WDR83: variants seen among roughly 807,000 people sequenced by gnomAD.
WDR83 encodes the protein WD repeat domain 83, also known as WD repeat domain-containing protein 83.
Under a neutral mutation model 37.7 loss-of-function variants are expected in WDR83, and 37 were observed. The observed-to-expected ratio is 0.98, with a 90% CI of 0.76 to 1.29. The LOEUF (loss-of-function observed/expected upper bound fraction) is 1.29. WDR83 is among the 50% of genes most tolerant of loss of function. The pLI is 0.00. For synonymous variants in WDR83, 174 were observed against 181.1 expected (o/e 0.96, Z 0.31); for missense variants, 445 against 414.4 (o/e 1.07, Z -0.64).
rs142857944 is a variant in WDR83 at position 12,670,808 on chromosome 19, G to A, written c.493G>A (p.Glu165Lys). 5.0e-6 allele frequency: 8 copies of A among 1,613,400 alleles called. No individual in the cohort carries two copies. Among genetic ancestry groups the A allele is most frequent in the Admixed American group, 1.7e-5 (1 of 59,886 alleles). Residue 165 changes from glutamate to lysine, a missense_variant, in exon 7 of 11, where the codon GAG becomes AAG. Coordinates refer to ENST00000418543, the MANE Select transcript of WDR83 (RefSeq NM_001099737.3). ...GTCCAGTGTGAAGGTGTCAGACCAC[G>A]AGATCCTGGCAGGGTGAGTGGAGCC... ...GVSSVKVSDH[E>K]ILAGSVDGRV...
Position 12,670,615 on chromosome 19 carries a change from A to T in WDR83, c.379+4A>T. 1 of 1,614,210 alleles carries T rather than the reference A, an allele frequency of 6.2e-7. No individual in the cohort carries two copies. The highest frequency in any genetic ancestry group is 8.5e-7 in the Non-Finnish European group (1 of 1,180,038). On this transcript the variant is annotated splice_donor_region_variant and intron_variant, in intron 6 of 10. Transcript: ENST00000418543. The stretch of plus-strand genomic sequence containing the variant: ...GAGGCCACAGTTATCCTGTCCGGTG[A>T]GTCTGGGGCCTAAGCACGGGGGCCC...
At chr19:12,673,738 T>C (rs988336049) in intron 10 of WDR83, among the ~76,000 whole-genome samples, 12 of 151,574 alleles carry the variant, frequency 7.9e-5, no homozygotes, top group Admixed American at 3.3e-4. Context: ...TTTGAGACTA[T>C]TGCCCAGGCA....
At chr19:12,669,626 AG>A (rs2024351180) in intron 2 of WDR83, 128 bp from the exon 3 acceptor site, 2 of 923,472 alleles carry the variant, frequency 2.2e-6, no homozygotes, top group Non-Finnish European at 3.2e-6. Context: ...GGGCTTCAAT[AG>A]TTCCAACCCG....
intron 10 of WDR83, 94 bp downstream of exon 10, chr19:12,673,410 CTTTTTTTTTTTTT>C (rs58676851): frequency 9.3e-5 from 23 of 248,018 alleles, no homozygotes; most frequent in African/African-American, 3.5e-4. Context: ...AGGCTAGGAT[CTTTTTTTTTTTTT>C]TTTTTTTTTT....
chr19:12,670,666 C>T (rs752759777), intron 6 of WDR83, 29 bp from the exon 7 acceptor site: 2 of 1,614,224 alleles, frequency 1.2e-6, no homozygotes, highest in Non-Finnish European at 1.7e-6. Context: ...CCCTCCAAAC[C>T]TGACCTCACC....
At chr19:12,669,305 G>T (rs930679814) in intron 2 of WDR83, 2 of 1,605,980 alleles carry the variant, frequency 1.2e-6, no homozygotes, top group Non-Finnish European at 1.7e-6. Flanking sequence ...CCAGGGCCCC[G>T]ATCCACACCC....
chr19:12,667,705 C>G (rs1040763458), intron 1 of WDR83, among the ~76,000 whole-genome samples: 1 of 152,120 alleles, frequency 6.6e-6, no homozygotes, highest in Non-Finnish European at 1.5e-5. Flanking sequence ...CATTTGTGGT[C>G]CCAGTTACGT....
intron 7 of WDR83, chr19:12,672,383 C>T (rs1030916857): frequency 7.5e-5 from 14 of 187,334 alleles, no homozygotes; most frequent in African/African-American, 2.4e-4. Flanking sequence ...CTGAGGTGGG[C>T]GGATCACCTG....
intron 6 of WDR83, 25 bp from the exon 7 acceptor site, chr19:12,670,670 C>T: frequency 6.2e-7 from 1 of 1,614,214 alleles, no homozygotes; most frequent in South Asian, 1.1e-5. Context: ...CCAAACCTGA[C>T]CTCACCATCA....
rs757395471 is a variant in WDR83 at position 12,673,053 on chromosome 19, T to G, written c.620T>G (p.Leu207Arg). The G allele has an allele frequency of 2.6e-5, 41 of 1,605,250 alleles. No homozygotes were observed. The highest frequency in any genetic ancestry group is 3.4e-5 in the Non-Finnish European group (40 of 1,174,442). ...TCFSRDGQCT[L>R]VSSLDSTLRL... ...TTCAGCCGGGATGGGCAGTGCACCC[T>G]GGTGTCCAGCCTGGACTCCACATTG... The change falls in exon 9 of 11, where the codon CTG (leucine) becomes CGG (arginine). Residue 207 changes from leucine to arginine, a missense_variant. Coordinates refer to ENST00000418543, the MANE Select transcript of WDR83 (RefSeq NM_001099737.3).
At position 12,666,844 on chromosome 19, in the gene WDR83, G is replaced by T. The variant is rs1402062150; in HGVS notation, c.-305G>T. ...CTCACGGGAGAGAGGCTGTAGCCCT[G>T]GGCAATCCCGGGGGTCGTTACAGGA... On this transcript the variant is annotated 5_prime_UTR_variant, in exon 1 of 11. Coordinates refer to ENST00000418543, the MANE Select transcript of WDR83 (RefSeq NM_001099737.3). 2.6e-6 allele frequency: 2 copies of T among 766,664 alleles called. No homozygotes were observed. The highest frequency in any genetic ancestry group is 3.6e-5 in the African/African-American group (2 of 56,202). 47.5% of individuals were successfully genotyped at this position (766,664 alleles called of 1,614,324 possible).
In WDR83 at chr19:12,673,120, AG is replaced by A. The variant is rs2024471510; in HGVS notation, c.683+5del. ...ACACAGGGGAGCTGCTGGGCGAGTG[AG>A]TCCTTGTGGTCGTGGGGATCCCCTT... On this transcript the variant is annotated splice_donor_5th_base_variant and intron_variant, in intron 9 of 10. Transcript: ENST00000418543. 1 of 1,612,336 alleles carries A rather than the reference AG, an allele frequency of 6.2e-7. No homozygotes were observed. The highest frequency in any genetic ancestry group is 8.5e-7 in the Non-Finnish European group (1 of 1,178,818).
chr19:12,668,318 T>A (rs1372377105), intron 1 of WDR83, 190 bp from the exon 2 acceptor site: 2 of 1,583,388 alleles, frequency 1.3e-6, no homozygotes, highest in African/African-American at 2.7e-5. Flanking sequence ...CCAGGCCTAG[T>A]GGATAGACAG....
intron 2 of WDR83, chr19:12,669,234 C>A (rs1235803226): frequency 6.2e-7 from 1 of 1,613,960 alleles, no homozygotes; most frequent in Admixed American, 1.7e-5. Flanking sequence ...GGGCTTGTAC[C>A]TGCGACAGGC....
intron 2 of WDR83, 39 bp from the exon 3 acceptor site, chr19:12,669,716 C>A: frequency 1.4e-6 from 2 of 1,426,618 alleles, no homozygotes; most frequent in Non-Finnish European, 1.9e-6. Flanking sequence ...AAGGTTACAC[C>A]CAAGCGTGGG....
chr19:12,667,713 C>T (rs1272704753), intron 1 of WDR83, among the ~76,000 whole-genome samples: 2 of 152,064 alleles, frequency 1.3e-5, no homozygotes, highest in Non-Finnish European at 2.9e-5. Context: ...GTCCCAGTTA[C>T]GTGGCAGGCT....
At chr19:12,673,608 G>A (rs1159360345) in intron 10 of WDR83, among the ~76,000 whole-genome samples, 1 of 151,922 alleles carries the variant, frequency 6.6e-6, no homozygotes, top group African/African-American at 2.4e-5. Context: ...AGTAGAGACA[G>A]GGTTTCACTA....
At chr19:12,669,296 C>G (rs972152388) in intron 2 of WDR83, 1 of 1,606,300 alleles carries the variant, frequency 6.2e-7, no homozygotes, top group Non-Finnish European at 8.5e-7. Flanking sequence ...AGGCGCTTCC[C>G]AGGGCCCCGA....
intron 2 of WDR83, chr19:12,669,519 G>A: frequency 1.5e-6 from 2 of 1,308,660 alleles, no homozygotes; most frequent in Non-Finnish European, 2.1e-6. Flanking sequence ...CGTTCCTCAT[G>A]ACAGAGGCTT....
Sources: gnomAD v4.1 joint callset for allele counts (sites outside exome capture counted in the v4.1 genomes callset) on GRCh38, gnomAD v4.1.1 for gene constraint, MANE v1.5 for transcripts, NCBI Gene and HGNC (gene_info 2026-07-23, HGNC 2026-07-21) for gene names.